Variants in TOMM20L observed in about 807,000 individuals in gnomAD.
TOMM20L encodes TOMM20-like protein 1.
Under a neutral mutation model 20.4 loss-of-function variants are expected in TOMM20L, and 19 were observed. The ratio of observed to expected loss-of-function variants is 0.93; its 90% CI spans 0.65 to 1.36. TOMM20L has a LOEUF of 1.36. TOMM20L is among the 40% of genes most tolerant of loss of function. The pLI is 0.00. For synonymous variants in TOMM20L, 75 were observed against 79.6 expected, an observed-to-expected ratio of 0.94 and a Z score of 0.30; for missense variants, 218 against 203.7, an observed-to-expected ratio of 1.07 and a Z score of -0.43.
At chr14:58,414,008 GAAAAAAA>G in the TOMM20L span, among the ~76,000 whole-genome samples, 7 of 24,172 alleles carry the variant, frequency 2.9e-4, no homozygotes, top group East Asian at 1.4e-3. Context: ...TTCCGTCTCA[GAAAAAAA>G]AAAAAAAAAA....
chr14:58,412,962 G>A (rs1213374969), downstream of TOMM20L, among the ~76,000 whole-genome samples: 1 of 151,890 alleles, frequency 6.6e-6, no homozygotes, highest in East Asian at 1.9e-4. Flanking sequence ...GATTTTTGCT[G>A]TTTTCCTAAA....
At chr14:58,397,925 A>G (rs1442299482) in intron 2 of TOMM20L, among the ~76,000 whole-genome samples, 3 of 152,214 alleles carry the variant, frequency 2.0e-5, no homozygotes, top group Non-Finnish European at 4.4e-5. Flanking sequence ...GAGGTAATAA[A>G]AATCCTGAAC....
At position 58,396,320 on chromosome 14, in the gene TOMM20L, G is replaced by T; in HGVS notation, c.159G>T (p.Lys53Asn). Residue 53 changes from lysine (K) to asparagine (N), a missense_variant, in exon 2 of 5, where the codon AAG becomes AAT. Transcript: ENST00000360945. ...CAGAAAGAAGAGCAGAGCCTCAAAAGGCTGAGGAGCAGGGCACGCAGGTGC... is the reference window on the plus strand; with the variant it reads ...CAGAAAGAAGAGCAGAGCCTCAAAATGCTGAGGAGCAGGGCACGCAGGTGC... ...LRDKRRAEPQ[K>N]AEEQGTQLWD... 6.2e-7 allele frequency: 1 copy of T among 1,613,430 alleles called. No individual in the cohort carries two copies. The highest frequency in any genetic ancestry group is 1.1e-5 in the South Asian group (1 of 91,038).
In TOMM20L at chr14:58,404,279, A is replaced by G. The variant is rs1382418509; in HGVS notation, c.262+1518A>G. Among the ~76,000 whole-genome samples the G allele has an allele frequency of 7.0e-5, 10 of 142,800 alleles. 1 individual carries two copies. Among genetic ancestry groups the G allele is most frequent in the African/African-American group, 1.3e-4 (5 of 39,424 alleles). The allele number at this position is 142,800 out of a possible 152,430, so 93.7% of individuals were successfully genotyped here. On this transcript the variant is annotated intron_variant, in intron 3 of 4. Coordinates refer to ENST00000360945, the MANE Select transcript of TOMM20L (RefSeq NM_207377.3). ...CAAGTAGCTGGGACTACAGGCGCCCACCACTACGCCCGGCTAATTTTTTGT... is the reference window on the plus strand; with the variant it reads ...CAAGTAGCTGGGACTACAGGCGCCCGCCACTACGCCCGGCTAATTTTTTGT...
chr14:58,396,461 G>T, intron 2 of TOMM20L, 120 bp downstream of exon 2: 1 of 1,087,584 alleles, frequency 9.2e-7, no homozygotes, highest in South Asian at 1.4e-5. Context: ...CCGTGCCCGG[G>T]AAGAGGCCTG....
chr14:58,416,552 C>T, the TOMM20L span, among the ~76,000 whole-genome samples: 11 of 151,988 alleles, frequency 7.2e-5, no homozygotes, highest in African/African-American at 9.7e-5. Flanking sequence ...AGTTTCTAAA[C>T]GAAGAAAATG....
intron 3 of TOMM20L, among the ~76,000 whole-genome samples, chr14:58,406,552 G>A (rs2036060112): frequency 6.6e-6 from 1 of 152,120 alleles, no homozygotes; most frequent in Non-Finnish European, 1.5e-5. Context: ...CCGAATACCT[G>A]AAAAGAGGCA....
chr14:58,405,956 T>TA (rs576015414), intron 3 of TOMM20L, among the ~76,000 whole-genome samples: 16 of 152,328 alleles, frequency 1.1e-4, no homozygotes, highest in Admixed American at 3.9e-4. Flanking sequence ...ATATTTTTTT[T>TA]AAAAATCTCC....
In TOMM20L at chr14:58,407,388, G is replaced by C; in HGVS notation, c.325G>C (p.Glu109Gln). 1 of 1,613,710 alleles carries C rather than the reference G, an allele frequency of 6.2e-7. No homozygotes were observed. The highest frequency in any genetic ancestry group is 8.5e-7 in the Non-Finnish European group (1 of 1,179,850). The stretch of plus-strand genomic sequence containing the variant: ...CCTTTTAGTGTGCGAGCAACCACGG[G>C]AACTTCTGAAAGTTTTCAAACACAC... ...NALLVCEQPR[E>Q]LLKVFKHTLP... The change falls in exon 4 of 5, where the codon GAA (glutamate) becomes CAA (glutamine). Residue 109 changes from glutamate (E) to glutamine (Q), a missense_variant. Coordinates refer to ENST00000360945, the MANE Select transcript of TOMM20L (RefSeq NM_207377.3).
chr14:58,402,578 G>A lies in TOMM20L; in HGVS notation c.181-102G>A, dbSNP rs150030482. The A allele has an allele frequency of 1.0e-4, 89 of 885,428 alleles. 1 individual carries two copies. The highest frequency in any genetic ancestry group is 3.0e-4 in the African/African-American group (18 of 59,842). 54.8% of individuals were successfully genotyped at this position (885,428 alleles called of 1,614,324 possible). A position where few individuals can be genotyped will look rare whatever the true frequency, so the allele number is the denominator to read the frequency against. On this transcript the variant is annotated intron_variant, in intron 2 of 4. Coordinates refer to ENST00000360945, the MANE Select transcript of TOMM20L (RefSeq NM_207377.3). ...GTTGGGATTACAGGTGTGAGCCACC[G>A]CATCTGGCCCAAGATGTCCTTTTTA...
downstream of TOMM20L, chr14:58,411,879 T>C: frequency 6.2e-7 from 1 of 1,612,232 alleles, no homozygotes; most frequent in Non-Finnish European, 8.5e-7. Context: ...TTTTGCAAAA[T>C]CTTTTCCCCT....
chr14:58,416,928 T>G, the TOMM20L span, among the ~76,000 whole-genome samples: 1 of 152,072 alleles, frequency 6.6e-6, no homozygotes, highest in African/African-American at 2.4e-5. Context: ...GGTGATATGG[T>G]TTGGCTATGT....
chr14:58,408,417 CAAA>C (rs372466195), intron 4 of TOMM20L, 109 bp from the exon 5 acceptor site: 2,003 of 716,058 alleles, frequency 2.8e-3, no homozygotes, highest in South Asian at 4.0e-3. Flanking sequence ...AACTCCGTCT[CAAA>C]AAAAAAAAAA....
chr14:58,414,008 G>GAA, the TOMM20L span, among the ~76,000 whole-genome samples: 261 of 24,176 alleles, frequency 0.011, 98 homozygotes, highest in Middle Eastern at 0.1. Context: ...TTCCGTCTCA[G>GAA]AAAAAAAAAA....
At chr14:58,416,131 G>T in the TOMM20L span, among the ~76,000 whole-genome samples, 1 of 152,054 alleles carries the variant, frequency 6.6e-6, no homozygotes, top group Non-Finnish European at 1.5e-5. Context: ...AGGTGGCTGA[G>T]GCACGAGAAT....
At chr14:58,413,679 G>C (rs1189919527), downstream of TOMM20L, among the ~76,000 whole-genome samples, 1 of 152,140 alleles carries the variant, frequency 6.6e-6, no homozygotes, top group Non-Finnish European at 1.5e-5. Context: ...ATCCTGGCTA[G>C]TTCTAAAAAG....
intron 4 of TOMM20L, 88 bp from the exon 5 acceptor site, chr14:58,408,441 T>A: frequency 3.5e-6 from 4 of 1,147,990 alleles, no homozygotes; most frequent in South Asian, 2.8e-5. Context: ...AAGAAAAGTA[T>A]ATGTAATGCC....
chr14:58,411,852 A>T, downstream of TOMM20L: 1 of 1,522,232 alleles, frequency 6.6e-7, no homozygotes, highest in Non-Finnish European at 9.1e-7. Flanking sequence ...TGGTGGCATT[A>T]GTAGCACCTT....
At position 58,407,404 on chromosome 14, in the gene TOMM20L, T is replaced by G; in HGVS notation, c.341T>G (p.Phe114Cys). ...CAACCACGGGAACTTCTGAAAGTTT[T>G]CAAACACACTCTCCCTCCCAAGGTA... ...CEQPRELLKVFKHTLPPKVFE... is the reference protein window; with the variant it reads ...CEQPRELLKVCKHTLPPKVFE... The change falls in exon 4 of 5, where the codon TTC (phenylalanine) becomes TGC (cysteine). Residue 114 changes from phenylalanine (F) to cysteine (C), a missense_variant. Physicochemically the swap from Phe to Cys is radical, Grantham distance 205. Coordinates refer to ENST00000360945, the MANE Select transcript of TOMM20L (RefSeq NM_207377.3). 1 of 1,613,974 alleles carries G rather than the reference T, an allele frequency of 6.2e-7. No individual in the cohort carries two copies. Among genetic ancestry groups the G allele is most frequent in the Non-Finnish European group, 8.5e-7 (1 of 1,179,976 alleles).
Sources: gnomAD v4.1 joint callset for allele counts (sites outside exome capture counted in the v4.1 genomes callset) on GRCh38, gnomAD v4.1.1 for gene constraint, MANE v1.5 for transcripts, NCBI Gene and HGNC (gene_info 2026-07-23, HGNC 2026-07-21) for gene names.